The following RHOJ variants were observed in gnomAD, a reference collection of about 807,000 sequenced individuals.
RHOJ encodes the protein rho-related GTP-binding protein RhoJ.
RHOJ carries 11 observed loss-of-function variants against 23.4 expected under a neutral mutation model. That is an observed-to-expected ratio of 0.47 (90% CI 0.30 to 0.78). The LOEUF is 0.78. RHOJ is among the 30% of genes least tolerant of loss of function. The pLI, the probability that RHOJ is intolerant of heterozygous loss-of-function variation, is 0.08. For missense variants in RHOJ, 254 were observed against 273.4 expected (o/e 0.93, Z 0.50); for synonymous variants, 102 against 102.7 (o/e 0.99, Z 0.04).
intron 1 of RHOJ, among the ~76,000 whole-genome samples, chr14:63,216,828 G>A (rs1458080781): frequency 1.3e-5 from 2 of 152,034 alleles, no homozygotes; most frequent in African/African-American, 4.8e-5. Context: ...CATTCATTTA[G>A]CCTCTTAATA....
At chr14:63,270,800 C>G (rs1344051012) in intron 2 of RHOJ, among the ~76,000 whole-genome samples, 1 of 152,196 alleles carries the variant, frequency 6.6e-6, no homozygotes, top group Non-Finnish European at 1.5e-5. Flanking sequence ...GGAAACCTCT[C>G]TCTGGTCCCT....
Position 63,244,412 on chromosome 14 carries a change from C to CAAA in RHOJ, c.179-24685_179-24683dup, listed in dbSNP as rs10685300. 1.0e-3 allele frequency among the ~76,000 whole-genome samples: 136 copies of CAAA among 131,390 alleles called. 1 individual carries two copies. The highest frequency in any genetic ancestry group is 3.6e-3 in the African/African-American group (133 of 37,178). The allele number at this position is 131,390 out of a possible 152,430, so 86.2% of individuals were successfully genotyped here. On this transcript the variant is annotated intron_variant, in intron 1 of 4. Transcript: ENST00000316754. ...AGAAACACCATCTCTACTAAAAATA[C>CAAA]AAAAAAAAAAAAAAATTAGCCAGGC...
intron 1 of RHOJ, among the ~76,000 whole-genome samples, chr14:63,255,321 G>C (rs756351619): frequency 6.6e-6 from 1 of 152,114 alleles, no homozygotes; most frequent in Non-Finnish European, 1.5e-5. Context: ...TGACCCAGTT[G>C]CCTCTCTGCA....
intron 1 of RHOJ, among the ~76,000 whole-genome samples, chr14:63,251,922 A>G (rs1200953362): frequency 1.3e-5 from 2 of 151,958 alleles, no homozygotes; most frequent in East Asian, 3.8e-4. Flanking sequence ...AGAGTTCAAA[A>G]CCAGCCTGGT....
At chr14:63,235,872 A>T (rs1439244039) in intron 1 of RHOJ, among the ~76,000 whole-genome samples, 8 of 152,216 alleles carry the variant, frequency 5.3e-5, no homozygotes, top group Non-Finnish European at 1.0e-4. Flanking sequence ...TGAGGTTATA[A>T]TTATTTTCTC....
chr14:63,233,499 T>G (rs937592107), intron 1 of RHOJ, among the ~76,000 whole-genome samples: 3 of 152,220 alleles, frequency 2.0e-5, no homozygotes, highest in Non-Finnish European at 4.4e-5. Flanking sequence ...GACAGTAATA[T>G]GATGCCTTTG....
At chr14:63,232,653 T>TC (rs1409621170) in intron 1 of RHOJ, among the ~76,000 whole-genome samples, 1 of 151,992 alleles carries the variant, frequency 6.6e-6, no homozygotes, top group African/African-American at 2.4e-5. Context: ...GCATAATAAT[T>TC]ATACCATACA....
chr14:63,214,480 A>C (rs1380232618), intron 1 of RHOJ, among the ~76,000 whole-genome samples: 1 of 152,244 alleles, frequency 6.6e-6, no homozygotes, highest in Non-Finnish European at 1.5e-5. Context: ...ATATGCATGT[A>C]AAATTTCTTG....
At chr14:63,236,992 T>A (rs1894801754) in intron 1 of RHOJ, among the ~76,000 whole-genome samples, 1 of 152,218 alleles carries the variant, frequency 6.6e-6, no homozygotes, top group African/African-American at 2.4e-5. Context: ...TTATACTGTA[T>A]TGTTTAGGGA....
At position 63,225,859 on chromosome 14, in the gene RHOJ, C is replaced by G. The variant is rs376746650; in HGVS notation, c.178+20812C>G. ...AAAGAGGTTCAGAAAAAAGATTAAT[C>G]TTGCAGGTATCAGAAACCTTCAATA... On this transcript the variant is annotated intron_variant, in intron 1 of 4. Coordinates refer to ENST00000316754, the MANE Select transcript of RHOJ (RefSeq NM_020663.5). 2.0e-5 allele frequency among the ~76,000 whole-genome samples: 3 copies of G among 152,104 alleles called. No individual in the cohort carries two copies. In the East Asian group the frequency reaches 5.8e-4, roughly 29 times the overall value.
chr14:63,246,159 C>T (rs1894972509), intron 1 of RHOJ, among the ~76,000 whole-genome samples: 1 of 152,146 alleles, frequency 6.6e-6, no homozygotes, highest in South Asian at 2.1e-4. Context: ...CTTAACTACT[C>T]ACTTTCTCCC....
chr14:63,256,004 G>A lies in RHOJ; in HGVS notation c.179-13106G>A, dbSNP rs547404604. On this transcript the variant is annotated intron_variant, in intron 1 of 4. Coordinates refer to ENST00000316754, the MANE Select transcript of RHOJ (RefSeq NM_020663.5). ...CTGCCTTAGCCTCCCAAGTCGCTAA[G>A]AGTACAGGCACGTGCCACCTGGCTA... 5.3e-5 allele frequency among the ~76,000 whole-genome samples: 8 copies of A among 152,290 alleles called. No homozygotes were observed. The South Asian group carries it at 1.7e-3, about 32-fold the overall frequency.
At chr14:63,275,898 C>G (rs76582770) in intron 2 of RHOJ, among the ~76,000 whole-genome samples, 9,245 of 151,124 alleles carry the variant, frequency 0.061, 672 homozygotes, top group African/African-American at 0.17. Context: ...AAATTCAACT[C>G]CCCCCAACCC....
chr14:63,231,795 G>T (rs1894700575), intron 1 of RHOJ, among the ~76,000 whole-genome samples: 2 of 152,208 alleles, frequency 1.3e-5, no homozygotes, highest in South Asian at 4.1e-4. Context: ...TTCTGTTCAT[G>T]TGGGAAAGAT....
At chr14:63,280,661 T>C (rs1435195969) in intron 2 of RHOJ, among the ~76,000 whole-genome samples, 1 of 152,088 alleles carries the variant, frequency 6.6e-6, no homozygotes, top group East Asian at 1.9e-4. Flanking sequence ...AATTTAAAAA[T>C]AAAAATAAAT....
chr14:63,259,094 C>T (rs1053814262), intron 1 of RHOJ, among the ~76,000 whole-genome samples: 1 of 152,176 alleles, frequency 6.6e-6, no homozygotes, highest in African/African-American at 2.4e-5. Context: ...TGCGTGCCAC[C>T]ACGCCTGGCT....
In RHOJ at chr14:63,279,872, C is replaced by T. The variant is rs145362265; in HGVS notation, c.238-1099C>T. Among the ~76,000 whole-genome samples, 1,471 of 152,048 alleles carry T rather than the reference C, an allele frequency of 9.7e-3. 24 individuals carry two copies. Among genetic ancestry groups the T allele is most frequent in the African/African-American group, 0.033 (1,381 of 41,476 alleles). Reference sequence around the variant, plus strand: ...AAATTTGGATATAATTTTTTTTAATCGTGTGAGGAGAGGATTCCTGTTGCC... The same window carrying T: ...AAATTTGGATATAATTTTTTTTAATTGTGTGAGGAGAGGATTCCTGTTGCC... On this transcript the variant is annotated intron_variant, in intron 2 of 4. Transcript: ENST00000316754.
chr14:63,275,898 C>T (rs76582770), intron 2 of RHOJ, among the ~76,000 whole-genome samples: 2 of 151,030 alleles, frequency 1.3e-5, no homozygotes, highest in Admixed American at 6.6e-5. Flanking sequence ...AAATTCAACT[C>T]CCCCCAACCC....
chr14:63,275,481 T>C (rs1460195375), intron 2 of RHOJ, among the ~76,000 whole-genome samples: 3 of 152,168 alleles, frequency 2.0e-5, no homozygotes, highest in Admixed American at 1.3e-4. Flanking sequence ...ATGCTAACAC[T>C]TTCTCTGAAC....
Sources: gnomAD v4.1 joint callset for allele counts (sites outside exome capture counted in the v4.1 genomes callset) on GRCh38, gnomAD v4.1.1 for gene constraint, MANE v1.5 for transcripts, NCBI Gene and HGNC (gene_info 2026-07-23, HGNC 2026-07-21) for gene names.